The following MED15 variants were observed in gnomAD, a reference collection of about 807,000 sequenced individuals.
MED15 encodes mediator complex subunit 15.
Under a neutral mutation model 118.7 loss-of-function variants are expected in MED15, and 41 were observed. That is an observed-to-expected ratio of 0.35 (90% CI 0.27 to 0.45). MED15 has a LOEUF of 0.45. MED15 is among the 20% of genes least tolerant of loss of function. MED15 has a pLI of 1.00. For synonymous variants in MED15, 436 were observed against 413.9 expected, an observed-to-expected ratio of 1.05 and a Z score of -0.65; for missense variants, 740 against 1,025.5, an observed-to-expected ratio of 0.72 and a Z score of 3.80.
At chr22:20,525,542 T>G (rs2054606201) in intron 1 of MED15, among the ~76,000 whole-genome samples, 1 of 148,784 alleles carries the variant, frequency 6.7e-6, no homozygotes, top group Admixed American at 6.7e-5. Context: ...TTTTTTTTTT[T>G]TTTTTTTTTT....
intron 8 of MED15, among the ~76,000 whole-genome samples, chr22:20,570,148 C>T (rs981756491): frequency 1.3e-5 from 2 of 152,090 alleles, no homozygotes; most frequent in African/African-American, 4.8e-5. Context: ...CCTCAGGTTC[C>T]CGAGTAGCTG....
chr22:20,586,135 G>A (rs1305531398), intron 17 of MED15, among the ~76,000 whole-genome samples: 2 of 152,216 alleles, frequency 1.3e-5, no homozygotes, highest in African/African-American at 4.8e-5. Context: ...GACAGTCCCC[G>A]CTCTTCCCAG....
At chr22:20,551,053 C>A in intron 2 of MED15, 2 of 485,480 alleles carry the variant, frequency 4.1e-6, no homozygotes, top group South Asian at 1.6e-5. Flanking sequence ...AGCGGCCCAC[C>A]CACGGCTGCC....
At chr22:20,507,791 C>G (rs781252354) in intron 1 of MED15, 45 bp downstream of exon 1, 1 of 1,612,334 alleles carries the variant, frequency 6.2e-7, no homozygotes, top group East Asian at 2.2e-5. Context: ...GGACCTTCCT[C>G]CTTAGCGTGG....
intron 2 of MED15, among the ~76,000 whole-genome samples, chr22:20,538,847 G>A (rs1299946311): frequency 1.3e-5 from 2 of 151,728 alleles, no homozygotes; most frequent in Non-Finnish European, 2.9e-5. Flanking sequence ...TTACAGGTGC[G>A]CACCACCACA....
chr22:20,552,049 G>C (rs531092134), intron 3 of MED15, among the ~76,000 whole-genome samples: 1 of 152,314 alleles, frequency 6.6e-6, no homozygotes, highest in Admixed American at 6.5e-5. Flanking sequence ...ACAGAAATGA[G>C]TTGTCATTGC....
intron 1 of MED15, among the ~76,000 whole-genome samples, chr22:20,527,283 G>A (rs2054679521): frequency 6.6e-6 from 1 of 152,034 alleles, no homozygotes; most frequent in African/African-American, 2.4e-5. Flanking sequence ...TCCTCTCTAA[G>A]TGATTTCCTC....
chr22:20,523,967 A>G (rs2146382746), intron 1 of MED15: 2 of 414,626 alleles, frequency 4.8e-6, no homozygotes, highest in African/African-American at 2.2e-5. Flanking sequence ...AGTCTCCTGT[A>G]TTGGTATGAT....
At chr22:20,584,173 G>A in intron 13 of MED15, 186 bp from the exon 14 acceptor site, 1 of 625,252 alleles carries the variant, frequency 1.6e-6, no homozygotes, top group Non-Finnish European at 2.8e-6. Flanking sequence ...CTGCCAACCA[G>A]GGACAAGCAG....
At chr22:20,579,149 C>T (rs558145007) in intron 9 of MED15, among the ~76,000 whole-genome samples, 1 of 152,320 alleles carries the variant, frequency 6.6e-6, no homozygotes, top group East Asian at 1.9e-4. Context: ...CCTCCCTGTT[C>T]CCTGCTCCAA....
chr22:20,535,559 CT>C (rs1424333358), intron 1 of MED15, among the ~76,000 whole-genome samples: 1 of 150,972 alleles, frequency 6.6e-6, no homozygotes, highest in Non-Finnish European at 1.5e-5. Context: ...CTTTTGCTTT[CT>C]TTCTTTTTTT....
At chr22:20,561,773 G>T (rs1353540331) in intron 5 of MED15, among the ~76,000 whole-genome samples, 1 of 152,192 alleles carries the variant, frequency 6.6e-6, no homozygotes, top group Non-Finnish European at 1.5e-5. Context: ...CCAGCACTTG[G>T]AGAAGCTGAG....
chr22:20,555,278 A>G, intron 5 of MED15, 130 bp downstream of exon 5: 2 of 1,070,448 alleles, frequency 1.9e-6, no homozygotes, highest in East Asian at 2.6e-5. Context: ...TTTGTTTTTT[A>G]AATCTTTGTT....
intron 9 of MED15, among the ~76,000 whole-genome samples, chr22:20,581,565 G>T (rs2056983341): frequency 6.6e-6 from 1 of 152,160 alleles, no homozygotes; most frequent in African/African-American, 2.4e-5. Context: ...GTTGACTAGG[G>T]TGTGGGAAAT....
intron 13 of MED15, 81 bp downstream of exon 13, chr22:20,583,474 G>A: frequency 1.3e-6 from 2 of 1,549,298 alleles, no homozygotes; most frequent in Non-Finnish European, 1.8e-6. Flanking sequence ...TGATGATGTG[G>A]GTTTAACAAA....
rs533897285 is a variant in MED15 at position 20,555,551 on chromosome 22, C to G, written c.451+403C>G. 2.6e-5 allele frequency among the ~76,000 whole-genome samples: 4 copies of G among 152,248 alleles called. No homozygotes were observed. The South Asian group carries it at 6.2e-4, about 24-fold the overall frequency. Reference sequence around the variant, plus strand: ...ATCTCTTCTAGTGCTGCCCTTGCCCCTTGGTCACCATGGGTGTGGCTTGCA... The same window carrying G: ...ATCTCTTCTAGTGCTGCCCTTGCCCGTTGGTCACCATGGGTGTGGCTTGCA... On this transcript the variant is annotated intron_variant, in intron 5 of 17. Transcript: ENST00000263205.
chr22:20,525,126 C>G (rs911321240), intron 1 of MED15, among the ~76,000 whole-genome samples: 2 of 151,940 alleles, frequency 1.3e-5, no homozygotes, highest in Non-Finnish European at 2.9e-5. Flanking sequence ...ATAGTGAGAT[C>G]CTGTCTCTAT....
rs570486932 is a variant in MED15, at chr22:20,527,818, A to G, written c.69-9299A>G. On this transcript the variant is annotated intron_variant, in intron 1 of 17. Coordinates refer to ENST00000263205, the MANE Select transcript of MED15 (RefSeq NM_001003891.3). ...ACTAAAAATCAAAAATTAGCTGGGC[A>G]TGGTGGCGCGCGCCTGTAGTCCCAG... Among the ~76,000 whole-genome samples, 24 of 151,952 alleles carry G rather than the reference A, an allele frequency of 1.6e-4. 3 individuals carry two copies. Among genetic ancestry groups the G allele is most frequent in the African/African-American group, 5.8e-4 (24 of 41,500 alleles).
At chr22:20,537,045 C>T in intron 1 of MED15, 72 bp from the exon 2 acceptor site, 2 of 1,401,336 alleles carry the variant, frequency 1.4e-6, no homozygotes, top group East Asian at 2.3e-5. Context: ...CTATGCAGGG[C>T]CTGTTGGCCA....
Sources: allele counts gnomAD v4.1 joint callset (sites outside exome capture counted in the v4.1 genomes callset), GRCh38; gene constraint gnomAD v4.1.1; transcripts MANE v1.5; gene names NCBI Gene and HGNC (gene_info 2026-07-23, HGNC 2026-07-21).